The following CSNK1E variants were observed in gnomAD, a reference collection of about 807,000 sequenced individuals.
CSNK1E encodes casein kinase I isoform epsilon.
CSNK1E carries 17 observed loss-of-function variants against 46.1 expected under a neutral mutation model. That is an observed-to-expected ratio of 0.37 (90% CI 0.25 to 0.55). CSNK1E has a LOEUF of 0.55. CSNK1E is among the 20% of genes least tolerant of loss of function. CSNK1E has a pLI of 0.82. For missense variants in CSNK1E, 386 were observed against 595.4 expected (o/e 0.65, Z 3.66); for synonymous variants, 241 against 242.6 (o/e 0.99, Z 0.06).
chr22:38,313,002 A>G (rs2092727595), intron 2 of CSNK1E, among the ~76,000 whole-genome samples: 1 of 152,140 alleles, frequency 6.6e-6, no homozygotes, highest in Admixed American at 6.5e-5. Flanking sequence ...CAAACAAATA[A>G]TCTGGTACTA....
chr22:38,300,583 T>G lies in CSNK1E; in HGVS notation c.565+141A>C. 1.3e-6 allele frequency: 1 copy of G among 786,784 alleles called. No individual in the cohort carries two copies. The allele number at this position is 786,784 out of a possible 1,614,324, so 48.7% of individuals were successfully genotyped here. A position where few individuals can be genotyped will look rare whatever the true frequency, so the allele number is the denominator to read the frequency against. Reference sequence around the variant, plus strand: ...GCAAGGACACGGAATAAGCACGAGCTTGGGGGCAGACGGGGTGGGGACTTT... The same window carrying G: ...GCAAGGACACGGAATAAGCACGAGCGTGGGGGCAGACGGGGTGGGGACTTT... On this transcript the variant is annotated intron_variant, in intron 5 of 10. Transcript: ENST00000396832. The surrounding 1 kb of genome is among the most constrained non-coding windows in gnomAD (Gnocchi z 4.4).
chr22:38,308,408 G>A (rs1223727476), intron 2 of CSNK1E, among the ~76,000 whole-genome samples: 1 of 152,094 alleles, frequency 6.6e-6, no homozygotes, highest in Non-Finnish European at 1.5e-5. Flanking sequence ...ATTTCCCCAT[G>A]AGCAGAGAGG....
Position 38,303,104 on chromosome 22 carries a change from A to G in CSNK1E, c.187+34T>C, listed in dbSNP as rs2092681975. 6.9e-7 allele frequency: 1 copy of G among 1,447,754 alleles called. No homozygotes were observed. Among genetic ancestry groups the G allele is most frequent in the Non-Finnish European group, 9.5e-7 (1 of 1,048,748 alleles). 89.7% of individuals were successfully genotyped at this position (1,447,754 alleles called of 1,614,324 possible). Reference sequence around the variant, plus strand: ...TGCTCATGGCTGCCCACCGCCACCCACCCGGCGCCCGCCGCCGCCCACCCT... The same window carrying G: ...TGCTCATGGCTGCCCACCGCCACCCGCCCGGCGCCCGCCGCCGCCCACCCT... On this transcript the variant is annotated intron_variant, in intron 3 of 10. Coordinates refer to ENST00000396832, the MANE Select transcript of CSNK1E (RefSeq NM_152221.3). This position sits in a 1 kb window ranked among gnomAD's most constrained non-coding sequence, Gnocchi z 4.7.
chr22:38,296,267 T>A (rs2092639886), intron 7 of CSNK1E: 1 of 1,191,550 alleles, frequency 8.4e-7, no homozygotes, highest in East Asian at 4.3e-5. Flanking sequence ...CACACGAGCA[T>A]CCACCCGTCA....
rs1237593081 is a variant in CSNK1E at position 38,300,938 on chromosome 22, CT to C, written c.350del (p.Glu117GlyfsTer57). 6.2e-7 allele frequency: 1 copy of C among 1,613,992 alleles called. No homozygotes were observed. The highest frequency in any genetic ancestry group is 8.5e-7 in the Non-Finnish European group (1 of 1,179,984). On this transcript the variant is annotated frameshift_variant, in exon 5 of 11. Coordinates refer to ENST00000396832, the MANE Select transcript of CSNK1E (RefSeq NM_152221.3). LOFTEE classifies it high-confidence loss of function. This position sits in a 1 kb window ranked among gnomAD's most constrained non-coding sequence, Gnocchi z 4.4. ...LLADQMISRI[E>X]YIHSKNFIHR... ...GGATGAAGTTCTTGGAGTGGATATA[CT>C]CGATGCGGCTGATCTGGGGAGGAGG...
At chr22:38,299,746 G>C in intron 6 of CSNK1E, 149 bp downstream of exon 6, 1 of 796,046 alleles carries the variant, frequency 1.3e-6, no homozygotes. Context: ...CTGACCTCAT[G>C]ATCCACCTGC....
Position 38,302,891 on chromosome 22 carries a change from G to A in CSNK1E, c.306C>T (p.Leu102=), listed in dbSNP as rs776158821. Residue 102 remains leucine (L), a synonymous_variant, in exon 4 of 11, where the codon CTC becomes CTT. Transcript: ENST00000396832. The stretch of plus-strand genomic sequence containing the variant: ...GGTCGGCCAAGAGCAGCACCGTCTT[G>A]AGGCTGAATTTGCGGGAACAGAAGT... ...LFNFCSRKFS[L]KTVLLLADQM... is the part of the protein sequence containing the mutation. The A allele has an allele frequency of 2.9e-5, 47 of 1,614,032 alleles. No homozygotes were observed. The highest frequency in any genetic ancestry group is 3.6e-5 in the Non-Finnish European group (43 of 1,180,030).
intron 2 of CSNK1E, among the ~76,000 whole-genome samples, chr22:38,311,608 C>G (rs757931175): frequency 6.6e-6 from 1 of 152,098 alleles, no homozygotes; most frequent in Non-Finnish European, 1.5e-5. Flanking sequence ...AGTGCTCAGC[C>G]CAACAGCTTC....
Position 38,294,578 on chromosome 22 carries a change from G to C in CSNK1E, c.886-44C>G, listed in dbSNP as rs770183225. The C allele has an allele frequency of 2.6e-6, 4 of 1,522,942 alleles. No individual in the cohort carries two copies. The East Asian group carries it at 9.8e-5, about 37-fold the overall frequency. The allele number at this position is 1,522,942 out of a possible 1,614,324, so 94.3% of individuals were successfully genotyped here. On this transcript the variant is annotated intron_variant, in intron 7 of 10. Coordinates refer to ENST00000396832, the MANE Select transcript of CSNK1E (RefSeq NM_152221.3). This position sits in a 1 kb window ranked among gnomAD's most constrained non-coding sequence, Gnocchi z 5.5. ...AGACACCAGTCAGCCCCAGAGGCCA[G>C]GGTGCTCTGGGCCCAGCAGCCCTGC...
intron 7 of CSNK1E, chr22:38,296,871 T>C (rs551555552): frequency 3.0e-6 from 2 of 671,600 alleles, no homozygotes; most frequent in East Asian, 2.7e-5. Flanking sequence ...GCCTCCTGGG[T>C]TCAAGCGATT....
chr22:38,293,987 G>T, intron 9 of CSNK1E, 122 bp downstream of exon 9: 1 of 1,181,008 alleles, frequency 8.5e-7, no homozygotes, highest in Non-Finnish European at 1.2e-6. Context: ...CTACAGAAGG[G>T]GTTCACTCCA....
At chr22:38,307,074 G>C (rs898831192) in intron 2 of CSNK1E, among the ~76,000 whole-genome samples, 3 of 152,200 alleles carry the variant, frequency 2.0e-5, no homozygotes, top group Admixed American at 2.0e-4. Context: ...GGGAGGCTGA[G>C]GCAGGAGGAC....
rs887378833 is a variant in CSNK1E at position 38,290,983 on chromosome 22, C to G, written c.*988G>C. The G allele has an allele frequency of 6.6e-6, 1 of 152,302 alleles. No individual in the cohort carries two copies. Among genetic ancestry groups the G allele is most frequent in the Non-Finnish European group, 1.5e-5 (1 of 68,004 alleles). 9.4% of individuals were successfully genotyped at this position (152,302 alleles called of 1,614,324 possible). On this transcript the variant is annotated 3_prime_UTR_variant, in exon 11 of 11. Transcript: ENST00000396832. ...TGTTAACTAGGAAGGATGGGTTAATCCAAAACCCAGCCCTGACTCCAGGCT... is the reference window on the plus strand; with the variant it reads ...TGTTAACTAGGAAGGATGGGTTAATGCAAAACCCAGCCCTGACTCCAGGCT...
chr22:38,293,346 G>C, intron 9 of CSNK1E, 27 bp from the exon 10 acceptor site: 1 of 1,470,820 alleles, frequency 6.8e-7, no homozygotes, highest in African/African-American at 1.4e-5. Context: ...GGGAGAGAGG[G>C]GGAGGGAGAG....
In CSNK1E at chr22:38,302,756, C is replaced by A. The variant is rs1337124110; in HGVS notation, c.336+105G>T. On this transcript the variant is annotated intron_variant, in intron 4 of 10. Transcript: ENST00000396832. Reference sequence around the variant, plus strand: ...CAATTCTATAGCCAGTGGACAAGGTCCCCTGGCCCAGGCCCATCCTCTGGC... The same window carrying A: ...CAATTCTATAGCCAGTGGACAAGGTACCCTGGCCCAGGCCCATCCTCTGGC... 6 of 1,341,308 alleles carry A rather than the reference C, an allele frequency of 4.5e-6. No homozygotes were observed. In the African/African-American group the frequency reaches 5.8e-5, roughly 13 times the overall value. The allele number at this position is 1,341,308 out of a possible 1,614,324, so 83.1% of individuals were successfully genotyped here.
chr22:38,317,059 C>T (rs1028819719), intron 1 of CSNK1E, 101 bp downstream of exon 1: 1 of 152,004 alleles, frequency 6.6e-6, no homozygotes, highest in African/African-American at 2.4e-5. Context: ...GTGTGTCTGC[C>T]CTCCCTTCCC....
At chr22:38,305,595 A>G (rs1016061855) in intron 2 of CSNK1E, among the ~76,000 whole-genome samples, 3 of 152,220 alleles carry the variant, frequency 2.0e-5, no homozygotes, top group African/African-American at 7.2e-5. Context: ...TCAGAAAAAG[A>G]CTCAGCAGAA....
rs1412752423 is a variant in CSNK1E at position 38,300,674 on chromosome 22, C to T, written c.565+50G>A. ...GGTGAGAGGGCTCCAGAGAGCTGGG[C>T]CCCAGCCAGTGGCCCCGGGTGCACA... On this transcript the variant is annotated intron_variant, in intron 5 of 10. Coordinates refer to ENST00000396832, the MANE Select transcript of CSNK1E (RefSeq NM_152221.3). This position sits in a 1 kb window ranked among gnomAD's most constrained non-coding sequence, Gnocchi z 4.4. 1 of 1,566,744 alleles carries T rather than the reference C, an allele frequency of 6.4e-7. No individual in the cohort carries two copies. The highest frequency in any genetic ancestry group is 8.8e-7 in the Non-Finnish European group (1 of 1,141,150).
intron 7 of CSNK1E, chr22:38,297,084 G>A (rs974187347): frequency 9.1e-6 from 7 of 772,100 alleles, no homozygotes; most frequent in Non-Finnish European, 1.7e-5. Flanking sequence ...GACATTTCCA[G>A]TCTTGATTAA....
Sources: allele counts gnomAD v4.1 joint callset (sites outside exome capture counted in the v4.1 genomes callset), GRCh38; gene constraint gnomAD v4.1.1; non-coding constraint Gnocchi (gnomAD v3.1); transcripts MANE v1.5; gene names NCBI Gene and HGNC (gene_info 2026-07-23, HGNC 2026-07-21).